VTI1A: variants seen among roughly 807,000 people sequenced by gnomAD.
VTI1A encodes the protein vesicle transport through interaction with t-SNAREs 1A.
In VTI1A, 22 loss-of-function variants were observed where a neutral mutation model predicts 34.9. The observed-to-expected ratio is 0.63, with a 90% CI of 0.45 to 0.90. The LOEUF is 0.90. Among genes scored for constraint, VTI1A ranks in the 40% least tolerant of loss-of-function variants. The pLI is 0.00. For synonymous variants in VTI1A, 87 were observed against 97.3 expected (o/e 0.89, Z 0.62); for missense variants, 268 against 275.6 (o/e 0.97, Z 0.20).
At chr10:112,505,612 A>G (rs1240818610) in intron 3 of VTI1A, among the ~76,000 whole-genome samples, 3 of 151,650 alleles carry the variant, frequency 2.0e-5, no homozygotes, top group African/African-American at 7.3e-5. Context: ...TGCGTAAACT[A>G]TGTTATATGC....
intron 3 of VTI1A, among the ~76,000 whole-genome samples, chr10:112,512,524 T>C (rs1402902570): frequency 1.3e-5 from 2 of 152,198 alleles, no homozygotes; most frequent in Admixed American, 1.3e-4. Context: ...ATTATTTCTT[T>C]TGCTGTGCAG....
the VTI1A span, among the ~76,000 whole-genome samples, chr10:112,829,223 C>T: frequency 0.81 from 123,649 of 151,998 alleles, 50,463 homozygotes; most frequent in African/African-American, 0.88. Flanking sequence ...GGCAGGCAGA[C>T]CACGAGGTCA....
intron 5 of VTI1A, among the ~76,000 whole-genome samples, chr10:112,586,181 G>A (rs547104230): frequency 3.2e-4 from 48 of 148,248 alleles, no homozygotes; most frequent in African/African-American, 1.2e-3. Flanking sequence ...GCATTGAGAT[G>A]ATGCAAAACA....
intron 4 of VTI1A, among the ~76,000 whole-genome samples, chr10:112,531,063 TCACACACACACACACACACA>T (rs10670312): frequency 1.4e-4 from 19 of 139,844 alleles, no homozygotes; most frequent in Non-Finnish European, 2.5e-4. Flanking sequence ...GTGACACACC[TCACACACACACACACACACA>T]CACACACACA....
chr10:112,673,730 C>T (rs1256150800), intron 7 of VTI1A, among the ~76,000 whole-genome samples: 1 of 152,194 alleles, frequency 6.6e-6, no homozygotes, highest in African/African-American at 2.4e-5. Context: ...TCATTGCTAT[C>T]ATATTTTACA....
intron 5 of VTI1A, among the ~76,000 whole-genome samples, chr10:112,547,395 G>A (rs1239265226): frequency 7.2e-5 from 11 of 152,072 alleles, no homozygotes; most frequent in Non-Finnish European, 1.6e-4. Context: ...TGACCAACAT[G>A]GTGAAACCCC....
Position 112,668,972 on chromosome 10 carries a change from C to T in VTI1A, c.534C>T (p.Ser178=), listed in dbSNP as rs760886523. 4.3e-6 allele frequency: 7 copies of T among 1,612,302 alleles called. No homozygotes were observed. In the East Asian group the frequency reaches 1.6e-4, roughly 36 times the overall value. The part of the protein sequence containing the change: ...RETDANLGKS[S]RILTGMLRRI... The stretch of plus-strand genomic sequence containing the variant: ...CAGATGCTAATTTGGGAAAAAGCTC[C>T]AGGATTCTGACAGGGATGTTGCGAA... The change falls in exon 7 of 8, where the codon TCC becomes TCT. Residue 178 remains serine, a synonymous_variant. Transcript: ENST00000393077.
At chr10:112,494,907 C>G (rs1848958420) in intron 3 of VTI1A, among the ~76,000 whole-genome samples, 1 of 152,112 alleles carries the variant, frequency 6.6e-6, no homozygotes, top group Non-Finnish European at 1.5e-5. Flanking sequence ...TGGACATTTT[C>G]TATATTATTA....
At chr10:112,520,639 G>GTATA (rs1485151139) in intron 3 of VTI1A, among the ~76,000 whole-genome samples, 66 of 128,240 alleles carry the variant, frequency 5.1e-4, no homozygotes, top group African/African-American at 1.8e-3. Context: ...GTGTGTGTGT[G>GTATA]TGTGTGTGTA....
chr10:112,697,423 G>A (rs1230896832), intron 7 of VTI1A, among the ~76,000 whole-genome samples: 5 of 134,746 alleles, frequency 3.7e-5, no homozygotes, highest in African/African-American at 8.6e-5. Context: ...TTTTGAGAGA[G>A]TGTTTAGCTC....
chr10:112,663,977 A>G (rs1286681231), intron 5 of VTI1A, among the ~76,000 whole-genome samples: 1 of 152,228 alleles, frequency 6.6e-6, no homozygotes, highest in Non-Finnish European at 1.5e-5. Context: ...ATATGCAAAC[A>G]ATAGTTGTGT....
At chr10:112,669,147 A>T (rs540174458) in intron 7 of VTI1A, 149 bp downstream of exon 7, 1 of 820,184 alleles carries the variant, frequency 1.2e-6, no homozygotes, top group South Asian at 1.8e-5. Flanking sequence ...CAGAGCACTG[A>T]TGTTAACTCT....
At chr10:112,770,335 A>G (rs1851770651) in intron 7 of VTI1A, among the ~76,000 whole-genome samples, 1 of 152,172 alleles carries the variant, frequency 6.6e-6, no homozygotes, top group Admixed American at 6.5e-5. Flanking sequence ...ACACGAAAAC[A>G]ATAATTTGGC....
At position 112,447,400 on chromosome 10, in the gene VTI1A, G is replaced by C. The variant is rs1220499301; in HGVS notation, c.27G>C (p.Glu9Asp). 6.2e-7 allele frequency: 1 copy of C among 1,613,576 alleles called. No homozygotes were observed. Among genetic ancestry groups the C allele is most frequent in the Admixed American group, 1.7e-5 (1 of 60,004 alleles). The change falls in exon 1 of 8, where the codon GAG (glutamate) becomes GAC (aspartate). Residue 9 changes from glutamate to aspartate, a missense_variant. By Grantham distance (45) the Glu-to-Asp change is conservative. Coordinates refer to ENST00000393077, the MANE Select transcript of VTI1A (RefSeq NM_145206.4). MSSDFEGY[E>D]QDFAVLTAEI... ...TGTCGTCCGACTTCGAAGGTTACGAGCAGGACTTCGCGGTGCTCACTGCAG... is the reference window on the plus strand; with the variant it reads ...TGTCGTCCGACTTCGAAGGTTACGACCAGGACTTCGCGGTGCTCACTGCAG...
In VTI1A at chr10:112,585,048, A is replaced by G. The variant is rs1176396658; in HGVS notation, c.427+46718A>G. ...TGCAGAAGTCATTTTAATAACAAGG[A>G]TTACACAAACTAGCTTCTTTAATTG... On this transcript the variant is annotated intron_variant, in intron 5 of 7. Transcript: ENST00000393077. Among the ~76,000 whole-genome samples, 4 of 152,194 alleles carry G rather than the reference A, an allele frequency of 2.6e-5. No homozygotes were observed. In the East Asian group the frequency reaches 7.7e-4, roughly 29 times the overall value.
chr10:112,672,480 G>T (rs1349322553), intron 7 of VTI1A, among the ~76,000 whole-genome samples: 1 of 152,130 alleles, frequency 6.6e-6, no homozygotes, highest in Non-Finnish European at 1.5e-5. Context: ...GGGACAAACT[G>T]TTCATTTCCT....
intron 7 of VTI1A, among the ~76,000 whole-genome samples, chr10:112,754,373 A>G (rs960233309): frequency 6.6e-6 from 1 of 152,068 alleles, no homozygotes; most frequent in African/African-American, 2.4e-5. Context: ...CTGTCTGTCA[A>G]CTGATTCTCT....
intron 3 of VTI1A, among the ~76,000 whole-genome samples, chr10:112,516,593 A>G (rs1335533855): frequency 6.6e-6 from 1 of 151,992 alleles, no homozygotes; most frequent in African/African-American, 2.4e-5. Flanking sequence ...CTTTCCATCC[A>G]AATATCTCCC....
chr10:112,542,219 G>A (rs776548991), intron 5 of VTI1A, among the ~76,000 whole-genome samples: 1 of 152,156 alleles, frequency 6.6e-6, no homozygotes, highest in Non-Finnish European at 1.5e-5. Context: ...AAGAGAAATT[G>A]TACAAGGGCA....
Sources: allele counts gnomAD v4.1 joint callset (sites outside exome capture counted in the v4.1 genomes callset), GRCh38; gene constraint gnomAD v4.1.1; transcripts MANE v1.5; gene names NCBI Gene and HGNC (gene_info 2026-07-23, HGNC 2026-07-21).